Variants in HADHA observed in about 807,000 individuals in gnomAD.
HADHA encodes trifunctional enzyme subunit alpha, mitochondrial.
HADHA carries 59 observed loss-of-function variants against 91.3 expected under a neutral mutation model. The ratio of observed to expected loss-of-function variants is 0.65; its 90% CI spans 0.52 to 0.80. The LOEUF (loss-of-function observed/expected upper bound fraction) is 0.80. HADHA is among the 30% of genes least tolerant of loss of function. HADHA has a pLI of 0.00. For missense variants in HADHA, 800 were observed against 927.6 expected (o/e 0.86, Z 1.79); for synonymous variants, 320 against 338.9 (o/e 0.94, Z 0.61).
chr2:26,192,733 T>C (rs1197616330), intron 17 of HADHA, among the ~76,000 whole-genome samples: 3 of 151,758 alleles, frequency 2.0e-5, no homozygotes, highest in Admixed American at 2.0e-4. Context: ...AGACTCTGTC[T>C]CAAAAAAAAA....
At chr2:26,203,814 A>G (rs1669911834) in intron 12 of HADHA, among the ~76,000 whole-genome samples, 1 of 152,254 alleles carries the variant, frequency 6.6e-6, no homozygotes, top group African/African-American at 2.4e-5. Context: ...CAAAGACTAC[A>G]GACTCCAAGG....
chr2:26,195,031 G>A, intron 15 of HADHA, 61 bp downstream of exon 15: 2 of 1,314,760 alleles, frequency 1.5e-6, no homozygotes, highest in Non-Finnish European at 2.2e-6. Context: ...AAGCCTGGAG[G>A]TAAAAGGAGT....
chr2:26,198,848 A>G (rs1669752671), intron 13 of HADHA, among the ~76,000 whole-genome samples: 1 of 152,014 alleles, frequency 6.6e-6, no homozygotes, highest in African/African-American at 2.4e-5. Flanking sequence ...CCAGGAGTTC[A>G]AGACCAACCT....
In HADHA at chr2:26,197,778, C is replaced by T; in HGVS notation, c.1393-1G>A. On this transcript the variant is annotated splice_acceptor_variant, in intron 13 of 19. Coordinates refer to ENST00000380649, the MANE Select transcript of HADHA (RefSeq NM_000182.5). LOFTEE classifies it high-confidence loss of function. ...CAAAGATACAGTGATCTGGAATCAC[C>T]TGCAGGGGAAAAGCATTTAACAATG... 1.4e-6 allele frequency: 2 copies of T among 1,449,836 alleles called. No homozygotes were observed. The highest frequency in any genetic ancestry group is 1.9e-6 in the Non-Finnish European group (2 of 1,029,770). 89.8% of individuals were successfully genotyped at this position (1,449,836 alleles called of 1,614,324 possible).
At chr2:26,200,577 T>C (rs948266979) in intron 13 of HADHA, among the ~76,000 whole-genome samples, 2 of 152,240 alleles carry the variant, frequency 1.3e-5, no homozygotes, top group African/African-American at 4.8e-5. Context: ...CATCTGGCTA[T>C]ACTCTGTGAG....
rs971245096 is a variant in HADHA at position 26,192,343 on chromosome 2, A to G, written c.1967T>C (p.Leu656Ser). ...CTTAGGAGGCAGCTTCAGACTCGCT[A>G]AAATACTATCCATGTCAGAATTCAA... ...KDLNSDMDSI[L>S]ASLKLPPKSE... Residue 656 changes from leucine (L) to serine (S), a missense_variant, in exon 18 of 20, where the codon TTA becomes TCA. Coordinates refer to ENST00000380649, the MANE Select transcript of HADHA (RefSeq NM_000182.5). 1.9e-6 allele frequency: 3 copies of G among 1,605,130 alleles called. No individual in the cohort carries two copies. In the African/African-American group the frequency reaches 4.0e-5, roughly 21 times the overall value.
chr2:26,201,961 ATTT>A (rs36063094), intron 12 of HADHA, among the ~76,000 whole-genome samples: 19 of 137,160 alleles, frequency 1.4e-4, no homozygotes, highest in Non-Finnish European at 1.3e-4. Context: ...CGCCTGGCTA[ATTT>A]TTTTTTTTTT....
intron 7 of HADHA, among the ~76,000 whole-genome samples, chr2:26,217,931 G>A (rs1670279772): frequency 6.6e-6 from 1 of 152,036 alleles, no homozygotes; most frequent in African/African-American, 2.4e-5. Flanking sequence ...AAACAAAAAA[G>A]TGCCAAGATA....
At chr2:26,204,296 G>A in intron 11 of HADHA, 100 bp from the exon 12 acceptor site, 1 of 973,032 alleles carries the variant, frequency 1.0e-6, no homozygotes, top group South Asian at 1.3e-5. Flanking sequence ...ACTAATGCAG[G>A]CACAACTATA....
intron 4 of HADHA, among the ~76,000 whole-genome samples, chr2:26,236,590 T>C (rs1414922678): frequency 6.6e-6 from 1 of 151,904 alleles, no homozygotes; most frequent in Non-Finnish European, 1.5e-5. Flanking sequence ...AATTTTTGTA[T>C]TTTTAGTGGA....
At chr2:26,199,826 C>T (rs984672804) in intron 13 of HADHA, among the ~76,000 whole-genome samples, 8 of 152,110 alleles carry the variant, frequency 5.3e-5, no homozygotes, top group African/African-American at 1.2e-4. Context: ...TGTGGTGAGA[C>T]GACTAAGTGA....
At chr2:26,225,017 C>T (rs1244793938) in intron 7 of HADHA, among the ~76,000 whole-genome samples, 2 of 152,126 alleles carry the variant, frequency 1.3e-5, no homozygotes, top group Non-Finnish European at 2.9e-5. Context: ...TTGAAAGACA[C>T]AAACTACTAT....
At chr2:26,231,931 T>A (rs1363740747) in intron 6 of HADHA, among the ~76,000 whole-genome samples, 3 of 142,314 alleles carry the variant, frequency 2.1e-5, no homozygotes, top group Non-Finnish European at 3.0e-5. Flanking sequence ...ATCACACCAC[T>A]GCACTCTAGC....
chr2:26,244,486 G>A (rs1671025479), intron 1 of HADHA, 44 bp downstream of exon 1: 2 of 1,548,202 alleles, frequency 1.3e-6, no homozygotes, highest in African/African-American at 1.4e-5. Flanking sequence ...AGTCCCGGCA[G>A]GAGTTCTGCC....
chr2:26,235,399 AAC>A (rs1670723627), intron 4 of HADHA: 1 of 152,216 alleles, frequency 6.6e-6, no homozygotes, highest in Non-Finnish European at 1.5e-5. Flanking sequence ...CTATTTTGTG[AAC>A]ACACTTAGGA....
At chr2:26,199,882 C>T (rs754647900) in intron 13 of HADHA, among the ~76,000 whole-genome samples, 1 of 152,130 alleles carries the variant, frequency 6.6e-6, no homozygotes, top group Non-Finnish European at 1.5e-5. Context: ...GTGCCCCAAC[C>T]GAGCTTCCTG....
At chr2:26,207,009 G>A (rs1669986251) in intron 11 of HADHA, among the ~76,000 whole-genome samples, 2 of 152,228 alleles carry the variant, frequency 1.3e-5, no homozygotes, top group African/African-American at 2.4e-5. Context: ...ATCAGCCTGG[G>A]CAACTTAGCA....
In HADHA at chr2:26,191,097, G is replaced by A. The variant is rs1574599770; in HGVS notation, c.*153C>T. ...TCACACTTCACCAGGAGGGAGAGATGGTCTTGGCTGAAGGCACTTTAATCA... is the reference window on the plus strand; with the variant it reads ...TCACACTTCACCAGGAGGGAGAGATAGTCTTGGCTGAAGGCACTTTAATCA... On this transcript the variant is annotated 3_prime_UTR_variant, in exon 20 of 20. Coordinates refer to ENST00000380649, the MANE Select transcript of HADHA (RefSeq NM_000182.5). 2 of 731,170 alleles carry A rather than the reference G, an allele frequency of 2.7e-6. No individual in the cohort carries two copies. Among genetic ancestry groups the A allele is most frequent in the East Asian group, 2.7e-5 (1 of 37,342 alleles). 45.3% of individuals were successfully genotyped at this position (731,170 alleles called of 1,614,324 possible).
At chr2:26,193,090 T>C (rs925558181) in intron 17 of HADHA, among the ~76,000 whole-genome samples, 8 of 151,994 alleles carry the variant, frequency 5.3e-5, no homozygotes, top group Non-Finnish European at 1.2e-4. Context: ...GCTTATACAT[T>C]CTCCTCACAG....
Sources: allele counts gnomAD v4.1 joint callset (sites outside exome capture counted in the v4.1 genomes callset), GRCh38; gene constraint gnomAD v4.1.1; transcripts MANE v1.5; gene names NCBI Gene and HGNC (gene_info 2026-07-23, HGNC 2026-07-21).